HNF1B: variants seen among roughly 807,000 people sequenced by gnomAD.
HNF1B encodes hepatocyte nuclear factor 1-beta.
Under a neutral mutation model 61.7 loss-of-function variants are expected in HNF1B, and 8 were observed. The ratio of observed to expected loss-of-function variants is 0.13; its 90% CI spans 0.08 to 0.23. The LOEUF (loss-of-function observed/expected upper bound fraction) is 0.23, where lower values mean the gene tolerates loss of function less well. Ranked by LOEUF, HNF1B falls within the 10% of genes least tolerant of loss-of-function variation. The probability of loss-of-function intolerance (pLI) is 1.00; values close to 1 mark genes in which losing one functional copy is unlikely to be tolerated. For missense variants in HNF1B, 562 were observed against 714.5 expected (o/e 0.79, Z 2.43); for synonymous variants, 314 against 287.7 (o/e 1.09, Z -0.93).
At position 37,701,160 on chromosome 17, in the gene HNF1B, C is replaced by T. The variant is rs2032558587; in HGVS notation, c.1357G>A (p.Ala453Thr). 1.3e-6 allele frequency: 2 copies of T among 1,551,184 alleles called. No individual in the cohort carries two copies. The highest frequency in any genetic ancestry group is 2.4e-5 in the South Asian group (2 of 84,026). Residue 453 changes from alanine to threonine, a missense_variant, in exon 7 of 9, where the codon GCA (alanine) becomes ACA (threonine). This residue lies in a region of HNF1B where 211 missense variants were observed against 200.7 expected (regional missense o/e 1.05). Transcript: ENST00000617811. The part of the protein sequence containing the change: ...AIAQSLNTSQ[A>T]QSVPVINSVA... ...CTGTTGATGACAGGGACACTCTGTGCTTGGGAGGTGTTGAGGCCTGTGGGA... is the reference window on the plus strand; with the variant it reads ...CTGTTGATGACAGGGACACTCTGTGTTTGGGAGGTGTTGAGGCCTGTGGGA...
At chr17:37,723,326 G>A (rs2033386088) in intron 4 of HNF1B, among the ~76,000 whole-genome samples, 1 of 151,826 alleles carries the variant, frequency 6.6e-6, no homozygotes, top group African/African-American at 2.4e-5. Context: ...CAGCCTGGGA[G>A]ATAGCGAGAC....
Position 37,695,193 on chromosome 17 carries a change from C to T in HNF1B, c.1653+3883G>A, listed in dbSNP as rs532665442. 3.2e-3 allele frequency among the ~76,000 whole-genome samples: 492 copies of T among 152,366 alleles called. 1 individual carries two copies. The highest frequency in any genetic ancestry group is 5.6e-3 in the Non-Finnish European group (381 of 68,040). On this transcript the variant is annotated intron_variant, in intron 8 of 8. Coordinates refer to ENST00000617811, the MANE Select transcript of HNF1B (RefSeq NM_000458.4). ...GCCTTGGGACACTGCTCCCTGCATACATGCTGCTCTAGCTTCAGCCCTGGC... is the reference window on the plus strand; with the variant it reads ...GCCTTGGGACACTGCTCCCTGCATATATGCTGCTCTAGCTTCAGCCCTGGC...
At position 37,698,808 on chromosome 17, in the gene HNF1B, G is replaced by A. The variant is rs2269844; in HGVS notation, c.1653+268C>T. Among the ~76,000 whole-genome samples, 21,569 of 152,002 alleles carry A rather than the reference G, an allele frequency of 0.14. 1,625 individuals are homozygous for A. Among genetic ancestry groups the A allele is most frequent in the Middle Eastern group, 0.22 (65 of 294 alleles). On this transcript the variant is annotated intron_variant, in intron 8 of 8. Coordinates refer to ENST00000617811, the MANE Select transcript of HNF1B (RefSeq NM_000458.4). Reference sequence around the variant, plus strand: ...GAACACTCAATCTAAATGCCTAAGCGCTCTATGTCATCCAGTCTCCAGCAA... The same window carrying A: ...GAACACTCAATCTAAATGCCTAAGCACTCTATGTCATCCAGTCTCCAGCAA...
intron 4 of HNF1B, among the ~76,000 whole-genome samples, chr17:37,716,964 T>C (rs888012754): frequency 5.3e-5 from 8 of 152,084 alleles, no homozygotes; most frequent in African/African-American, 1.9e-4. Flanking sequence ...GGCACACAGA[T>C]ATTCCTTCTT....
At chr17:37,693,939 C>T (rs553486156) in intron 8 of HNF1B, among the ~76,000 whole-genome samples, 1 of 152,208 alleles carries the variant, frequency 6.6e-6, no homozygotes, top group Non-Finnish European at 1.5e-5. Context: ...TGCCTATTCC[C>T]CCTTTACCTT....
intron 6 of HNF1B, among the ~76,000 whole-genome samples, chr17:37,703,667 T>C (rs926387583): frequency 6.6e-6 from 1 of 152,198 alleles, no homozygotes; most frequent in Non-Finnish European, 1.5e-5. Context: ...TTTAAAATGA[T>C]CATTTATATT....
chr17:37,733,493 G>A (rs897313162), intron 3 of HNF1B, 64 bp downstream of exon 3: 16 of 1,578,276 alleles, frequency 1.0e-5, no homozygotes, highest in South Asian at 3.3e-5. Context: ...TCCCAGGACC[G>A]AGGGGAGGGT....
At chr17:37,723,229 C>T (rs181972320) in intron 4 of HNF1B, among the ~76,000 whole-genome samples, 1 of 151,826 alleles carries the variant, frequency 6.6e-6, no homozygotes, top group East Asian at 1.9e-4. Flanking sequence ...CGCCTGTAGT[C>T]CCAGCTACTC....
chr17:37,691,309 T>C (rs2032195158), intron 8 of HNF1B, among the ~76,000 whole-genome samples: 1 of 152,190 alleles, frequency 6.6e-6, no homozygotes, highest in Non-Finnish European at 1.5e-5. Context: ...GTGAGATTCA[T>C]TGTGGCTCCA....
intron 4 of HNF1B, among the ~76,000 whole-genome samples, chr17:37,712,599 T>C (rs906604914): frequency 6.6e-6 from 1 of 152,066 alleles, no homozygotes; most frequent in Non-Finnish European, 1.5e-5. Context: ...TTCAAATAAA[T>C]AACAGGAAGA....
chr17:37,741,190 T>C (rs2033982125), intron 1 of HNF1B, among the ~76,000 whole-genome samples: 1 of 152,240 alleles, frequency 6.6e-6, no homozygotes, highest in African/African-American at 2.4e-5. Context: ...AGCAATTTTA[T>C]TTCTAAATGG....
chr17:37,728,245 G>A (rs1204900858), intron 4 of HNF1B, among the ~76,000 whole-genome samples: 1 of 151,554 alleles, frequency 6.6e-6, no homozygotes, highest in African/African-American at 2.4e-5. Flanking sequence ...CAAGTGATCT[G>A]CCTGCCTTGG....
intron 1 of HNF1B, among the ~76,000 whole-genome samples, chr17:37,743,569 A>G (rs1296252946): frequency 6.6e-6 from 1 of 152,238 alleles, no homozygotes. Context: ...CAGCCCCGAA[A>G]TCGCAGCGCT....
At chr17:37,742,814 G>A (rs1025361141) in intron 1 of HNF1B, among the ~76,000 whole-genome samples, 2 of 151,312 alleles carry the variant, frequency 1.3e-5, no homozygotes, top group Admixed American at 6.6e-5. Flanking sequence ...CACAGAGCCC[G>A]CGTCCCGCGC....
chr17:37,733,869 AGCAG>A, intron 2 of HNF1B, 48 bp from the exon 3 acceptor site: 1 of 1,581,618 alleles, frequency 6.3e-7, no homozygotes, highest in Non-Finnish European at 8.6e-7. Context: ...GCCTTCACTC[AGCAG>A]ACAGACAGAC....
At chr17:37,713,678 A>G (rs934567310) in intron 4 of HNF1B, among the ~76,000 whole-genome samples, 1 of 152,220 alleles carries the variant, frequency 6.6e-6, no homozygotes, top group Non-Finnish European at 1.5e-5. Flanking sequence ...GGTGAGCACC[A>G]GCTTCCTCAT....
At chr17:37,719,347 C>T (rs2033231049) in intron 4 of HNF1B, among the ~76,000 whole-genome samples, 1 of 152,096 alleles carries the variant, frequency 6.6e-6, no homozygotes, top group Non-Finnish European at 1.5e-5. Context: ...TATTGATAGA[C>T]TTGGGCAGTT....
chr17:37,721,182 G>A (rs1264204904), intron 4 of HNF1B, among the ~76,000 whole-genome samples: 6 of 152,102 alleles, frequency 3.9e-5, no homozygotes, highest in Admixed American at 3.9e-4. Context: ...GCAGTTATAG[G>A]TGTCTCGTTT....
chr17:37,713,766 C>T (rs1405084825), intron 4 of HNF1B, among the ~76,000 whole-genome samples: 2 of 152,192 alleles, frequency 1.3e-5, no homozygotes, highest in African/African-American at 4.8e-5. Context: ...CACAAGGCTG[C>T]TCATCAGCCC....
Sources: gnomAD v4.1 joint callset for allele counts (sites outside exome capture counted in the v4.1 genomes callset) on GRCh38, gnomAD v4.1.1 for gene constraint, gnomAD v4.1.1 regional missense constraint, MANE v1.5 for transcripts, NCBI Gene and HGNC (gene_info 2026-07-23, HGNC 2026-07-21) for gene names.